Variants in MBNL2 observed in about 807,000 individuals in gnomAD.
The protein encoded by MBNL2 is muscleblind like splicing regulator 2, also known as muscleblind-like protein 2.
Under a neutral mutation model 41.9 loss-of-function variants are expected in MBNL2, and 17 were observed. The ratio of observed to expected loss-of-function variants is 0.41; its 90% CI spans 0.28 to 0.61. The LOEUF (loss-of-function observed/expected upper bound fraction) is 0.61, where lower values mean the gene tolerates loss of function less well. Ranked by LOEUF, MBNL2 falls within the 20% of genes least tolerant of loss-of-function variation. The pLI, the probability that MBNL2 is intolerant of heterozygous loss-of-function variation, is 0.35. For missense variants in MBNL2, 336 were observed against 505.6 expected (o/e 0.66, Z 3.22); for synonymous variants, 195 against 182.9 (o/e 1.07, Z -0.53).
intron 1 of MBNL2, among the ~76,000 whole-genome samples, chr13:97,260,052 A>C (rs1390173554): frequency 6.6e-6 from 1 of 152,218 alleles, no homozygotes; most frequent in Non-Finnish European, 1.5e-5. Flanking sequence ...ACAAGTATGC[A>C]TGTGAGTGTT....
intron 8 of MBNL2, among the ~76,000 whole-genome samples, chr13:97,374,366 C>G (rs7327210): frequency 0.26 from 39,184 of 150,074 alleles, 5,108 homozygotes; most frequent in Non-Finnish European, 0.29. Context: ...CCAGGATGGT[C>G]TCGATCTCCT....
intron 2 of MBNL2, among the ~76,000 whole-genome samples, chr13:97,287,682 T>C (rs190598311): frequency 6.7e-6 from 1 of 148,874 alleles, no homozygotes; most frequent in Admixed American, 6.7e-5. Context: ...TTCTGATTAT[T>C]ATGTTTATTT....
At chr13:97,198,976 C>T in the MBNL2 span, among the ~76,000 whole-genome samples, 6 of 152,152 alleles carry the variant, frequency 3.9e-5, no homozygotes, top group South Asian at 2.1e-4. Flanking sequence ...CCTCCAGTGG[C>T]GTCCCATGTG....
intron 8 of MBNL2, among the ~76,000 whole-genome samples, chr13:97,370,795 TC>T (rs1440613280): frequency 6.6e-6 from 1 of 152,166 alleles, no homozygotes; most frequent in African/African-American, 2.4e-5. Context: ...AAAAAGTTAG[TC>T]CTTTGTCTTA....
intron 1 of MBNL2, among the ~76,000 whole-genome samples, chr13:97,275,128 A>G (rs1005971257): frequency 4.6e-5 from 7 of 152,218 alleles, no homozygotes; most frequent in East Asian, 1.9e-4. Flanking sequence ...GAGAAAAAAT[A>G]TCAAGAGGAT....
At chr13:97,292,260 G>T (rs370175172) in intron 2 of MBNL2, among the ~76,000 whole-genome samples, 3 of 149,052 alleles carry the variant, frequency 2.0e-5, no homozygotes, top group Non-Finnish European at 4.4e-5. Context: ...TTCCTCTTAC[G>T]AAGGCATCTC....
At chr13:97,196,012 G>C in the MBNL2 span, among the ~76,000 whole-genome samples, 1 of 152,162 alleles carries the variant, frequency 6.6e-6, no homozygotes, top group Admixed American at 6.5e-5. Flanking sequence ...AGGAACATTA[G>C]TTTTCAAATA....
chr13:97,297,203 C>T (rs2057130936), intron 2 of MBNL2, among the ~76,000 whole-genome samples: 1 of 152,114 alleles, frequency 6.6e-6, no homozygotes, highest in Non-Finnish European at 1.5e-5. Flanking sequence ...ATGTCATGGG[C>T]ATTTATTGAG....
At chr13:97,143,439 G>A in the MBNL2 span, among the ~76,000 whole-genome samples, 19 of 152,290 alleles carry the variant, frequency 1.2e-4, no homozygotes, top group African/African-American at 4.6e-4. Flanking sequence ...AATCTATCCA[G>A]GAGGGGAGTC....
the MBNL2 span, among the ~76,000 whole-genome samples, chr13:97,163,042 G>A: frequency 2.0e-4 from 30 of 152,274 alleles, no homozygotes; most frequent in East Asian, 4.1e-3. Flanking sequence ...GCTGCAGAGT[G>A]ATGGGATTTG....
chr13:97,359,934 G>T (rs1341742998), intron 7 of MBNL2, among the ~76,000 whole-genome samples: 2 of 152,054 alleles, frequency 1.3e-5, no homozygotes, highest in Non-Finnish European at 2.9e-5. Flanking sequence ...CCCATACCAG[G>T]AATTTTATTG....
At chr13:97,243,861 G>A (rs16953949) in intron 1 of MBNL2, among the ~76,000 whole-genome samples, 2,055 of 152,090 alleles carry the variant, frequency 0.014, 38 homozygotes, top group African/African-American at 0.046. Flanking sequence ...TTTATCCTCC[G>A]GCATGGATCT....
Position 97,274,964 on chromosome 13 carries a change from A to G in MBNL2, c.-604-668A>G, listed in dbSNP as rs541234784. Among the ~76,000 whole-genome samples the G allele has an allele frequency of 2.0e-4, 31 of 152,336 alleles. No individual in the cohort carries two copies. In the South Asian group the frequency reaches 6.2e-3, roughly 31 times the overall value. ...TCATCAGTTAAATTGGTCAATAAAT[A>G]TTTCTTGAGGGTCTAATATACGCCG... On this transcript the variant is annotated intron_variant, in intron 1 of 8. Coordinates refer to ENST00000679496, the MANE Select transcript of MBNL2 (RefSeq NM_001382683.1).
At chr13:97,365,592 C>T (rs1385203241) in intron 8 of MBNL2, among the ~76,000 whole-genome samples, 4 of 152,168 alleles carry the variant, frequency 2.6e-5, no homozygotes, top group Non-Finnish European at 5.9e-5. Context: ...CAGAAGTATT[C>T]ATTTTTTACA....
At chr13:97,351,366 A>G (rs1259828782) in intron 5 of MBNL2, among the ~76,000 whole-genome samples, 1 of 152,222 alleles carries the variant, frequency 6.6e-6, no homozygotes, top group Non-Finnish European at 1.5e-5. Context: ...ATTGGCTTCA[A>G]TTTAAATTCA....
chr13:97,299,584 T>C (rs766754032), intron 2 of MBNL2, among the ~76,000 whole-genome samples: 4 of 152,174 alleles, frequency 2.6e-5, no homozygotes, highest in Non-Finnish European at 5.9e-5. Context: ...AACACTTGGT[T>C]ACATGAACTA....
the MBNL2 span, among the ~76,000 whole-genome samples, chr13:97,212,242 G>A: frequency 6.6e-6 from 1 of 152,112 alleles, no homozygotes; most frequent in Non-Finnish European, 1.5e-5. Flanking sequence ...ATTGCTCCTG[G>A]GGTTTGAATA....
At chr13:97,153,692 A>T in the MBNL2 span, among the ~76,000 whole-genome samples, 1 of 152,238 alleles carries the variant, frequency 6.6e-6, no homozygotes, top group African/African-American at 2.4e-5. Context: ...GGATCAAAGC[A>T]TAATATGTAC....
At chr13:97,380,245 A>G (rs2065313531) in intron 8 of MBNL2, among the ~76,000 whole-genome samples, 2 of 152,006 alleles carry the variant, frequency 1.3e-5, no homozygotes, top group East Asian at 1.9e-4. Flanking sequence ...TATAATTCCA[A>G]CACTTTGGGA....
Sources: allele counts gnomAD v4.1 joint callset (sites outside exome capture counted in the v4.1 genomes callset), GRCh38; gene constraint gnomAD v4.1.1; transcripts MANE v1.5; gene names NCBI Gene and HGNC (gene_info 2026-07-23, HGNC 2026-07-21).